MED13L: variants seen among roughly 807,000 people sequenced by gnomAD.
MED13L encodes the protein mediator complex subunit 13L.
Under a neutral mutation model 220.9 loss-of-function variants are expected in MED13L, and 7 were observed. That is an observed-to-expected ratio of 0.03 (90% CI 0.02 to 0.06). The LOEUF is 0.06. Among genes scored for constraint, MED13L ranks in the 10% least tolerant of loss-of-function variants. The pLI is 1.00. For missense variants in MED13L, 1,965 were observed against 2,760.5 expected (o/e 0.71, Z 6.46); for synonymous variants, 1,011 against 1,015.2 (o/e 1.00, Z 0.08).
chr12:116,213,669 TC>T (rs1040164099), intron 2 of MED13L, among the ~76,000 whole-genome samples: 3 of 152,188 alleles, frequency 2.0e-5, no homozygotes, highest in African/African-American at 7.2e-5. Flanking sequence ...CACCTCGGAC[TC>T]CCAAAGTGCT....
chr12:116,025,109 C>A (rs751057817), intron 4 of MED13L, among the ~76,000 whole-genome samples: 3 of 151,992 alleles, frequency 2.0e-5, no homozygotes, highest in Non-Finnish European at 2.9e-5. Flanking sequence ...ATGCAAATGG[C>A]CAACAGGTAT....
Position 116,008,820 on chromosome 12 carries a change from C to T in MED13L, c.1593G>A (p.Val531=). 6.2e-7 allele frequency: 1 copy of T among 1,614,018 alleles called. No individual in the cohort carries two copies. Among genetic ancestry groups the T allele is most frequent in the East Asian group, 2.2e-5 (1 of 44,832 alleles). Residue 531 remains valine, a synonymous_variant, in exon 10 of 31, where the codon GTG becomes GTA. Coordinates refer to ENST00000281928, the MANE Select transcript of MED13L (RefSeq NM_015335.5). The stretch of plus-strand genomic sequence containing the variant: ...TTTGCTTGCTTGTATTTCTGGAAGG[C>T]ACGGCCATTTGCTTATCATATTTCC... The part of the protein sequence containing the change: ...SSRKYDKQMA[V]PSRNTSKQMN...
intron 29 of MED13L, 111 bp downstream of exon 29, chr12:115,965,971 A>C (rs1489441109): frequency 1.5e-6 from 2 of 1,357,028 alleles, no homozygotes; most frequent in Non-Finnish European, 2.1e-6. Context: ...TACAAGAGAA[A>C]AAAGGAACAG....
intron 2 of MED13L, among the ~76,000 whole-genome samples, chr12:116,160,647 C>G (rs1477625205): frequency 6.6e-6 from 1 of 152,056 alleles, no homozygotes; most frequent in Admixed American, 6.6e-5. Flanking sequence ...ATGATCAGAG[C>G]TCCCTGTAGC....
Position 116,277,398 on chromosome 12 carries a change from G to A in MED13L, c.-267C>T. On this transcript the variant is annotated 5_prime_UTR_variant, in exon 1 of 31. Transcript: ENST00000281928. ...CCGCCTCCGCCTTCCCTGCTCCTCA[G>A]CCGCCGCCGCCGCCGCTGCTGCCGC... 6.4e-6 allele frequency: 1 copy of A among 156,996 alleles called. No homozygotes were observed. The highest frequency in any genetic ancestry group is 1.4e-5 in the Non-Finnish European group (1 of 73,386). 9.7% of individuals were successfully genotyped at this position (156,996 alleles called of 1,614,324 possible).
chr12:116,103,999 C>CTTTTT (rs36066243), intron 3 of MED13L, among the ~76,000 whole-genome samples: 742 of 57,476 alleles, frequency 0.013, 105 homozygotes, highest in South Asian at 0.02. Flanking sequence ...GGACATTGCT[C>CTTTTT]TTTTTTTTTT....
rs945800776 is a variant in MED13L, at chr12:115,959,195, C to T, written c.*2071G>A. Reference sequence around the variant, plus strand: ...CCATTCATTTATTTTTGCACAAAAACGTATAAATATGTCACCAGCTTTTCT... The same window carrying T: ...CCATTCATTTATTTTTGCACAAAAATGTATAAATATGTCACCAGCTTTTCT... On this transcript the variant is annotated 3_prime_UTR_variant, in exon 31 of 31. Transcript: ENST00000281928. 6.6e-5 allele frequency: 10 copies of T among 152,458 alleles called. No individual in the cohort carries two copies. Among genetic ancestry groups the T allele is most frequent in the African/African-American group, 2.4e-4 (10 of 41,486 alleles). 9.4% of individuals were successfully genotyped at this position (152,458 alleles called of 1,614,324 possible). A position where few individuals can be genotyped will look rare whatever the true frequency, so the allele number is the denominator to read the frequency against.
At chr12:116,111,275 T>C (rs985300149) in intron 3 of MED13L, among the ~76,000 whole-genome samples, 153 bp downstream of exon 3, 2 of 152,172 alleles carry the variant, frequency 1.3e-5, no homozygotes, top group Non-Finnish European at 1.5e-5. Flanking sequence ...TTTCAAATTA[T>C]ATCAATAGAA....
At chr12:116,006,066 A>C (rs1879027260) in intron 12 of MED13L, 73 bp from the exon 13 acceptor site, 1 of 1,585,322 alleles carries the variant, frequency 6.3e-7, no homozygotes, top group Non-Finnish European at 8.6e-7. Flanking sequence ...GAGGACACGG[A>C]TCTCAATGAA....
At chr12:116,246,363 AACTATACACCAGCGCAG>A (rs1235751143) in intron 1 of MED13L, among the ~76,000 whole-genome samples, 1 of 152,094 alleles carries the variant, frequency 6.6e-6, no homozygotes, top group Admixed American at 6.5e-5. Context: ...CCAGGATGCC[AACTATACACCAGCGCAG>A]AGGGCAACCA....
chr12:116,138,148 G>A (rs969286603), intron 2 of MED13L, among the ~76,000 whole-genome samples: 8 of 152,074 alleles, frequency 5.3e-5, no homozygotes, highest in South Asian at 2.1e-4. Context: ...GAGCCACCAC[G>A]CCCGGCCTGA....
intron 2 of MED13L, among the ~76,000 whole-genome samples, chr12:116,166,176 C>G (rs1045891187): frequency 6.6e-6 from 1 of 152,106 alleles, no homozygotes; most frequent in African/African-American, 2.4e-5. Flanking sequence ...ACAGCCTGGG[C>G]AACATGGTAA....
chr12:116,101,367 G>T (rs1873050283), intron 3 of MED13L, among the ~76,000 whole-genome samples: 2 of 152,178 alleles, frequency 1.3e-5, no homozygotes, highest in Non-Finnish European at 2.9e-5. Flanking sequence ...ATATTGGGAG[G>T]TGCTCAATAA....
intron 2 of MED13L, among the ~76,000 whole-genome samples, chr12:116,205,596 T>A (rs543253308): frequency 2.0e-5 from 3 of 150,676 alleles, no homozygotes; most frequent in Admixed American, 2.0e-4. Flanking sequence ...CTCCCTACTG[T>A]TTTTGGCCAG....
intron 16 of MED13L, among the ~76,000 whole-genome samples, chr12:115,995,772 G>A (rs1878360374): frequency 1.3e-5 from 2 of 152,018 alleles, no homozygotes; most frequent in South Asian, 4.1e-4. Context: ...CTACCATTGG[G>A]GAAATCATCT....
intron 2 of MED13L, among the ~76,000 whole-genome samples, chr12:116,134,394 C>T (rs904477710): frequency 4.6e-5 from 7 of 152,116 alleles, no homozygotes; most frequent in African/African-American, 1.7e-4. Flanking sequence ...ATTTATATTA[C>T]ATATTAATAA....
At chr12:116,165,623 C>A (rs989682297) in intron 2 of MED13L, among the ~76,000 whole-genome samples, 1 of 152,050 alleles carries the variant, frequency 6.6e-6, no homozygotes, top group Admixed American at 6.5e-5. Context: ...AGCCACCGCA[C>A]CTGGCCTGCC....
intron 16 of MED13L, among the ~76,000 whole-genome samples, chr12:115,995,171 CAGA>C (rs1344225341): frequency 1.3e-5 from 2 of 152,094 alleles, no homozygotes; most frequent in East Asian, 1.9e-4. Flanking sequence ...GATGATTTTA[CAGA>C]AGGTCACAAA....
At chr12:116,148,609 CTATATA>C (rs3043743) in intron 2 of MED13L, 6,750 of 182,132 alleles carry the variant, frequency 0.037, 171 homozygotes, top group Middle Eastern at 0.085. Context: ...ATGGAGATAT[CTATATA>C]TATATATATA....
Sources: allele counts gnomAD v4.1 joint callset (sites outside exome capture counted in the v4.1 genomes callset), GRCh38; gene constraint gnomAD v4.1.1; transcripts MANE v1.5; gene names NCBI Gene and HGNC (gene_info 2026-07-23, HGNC 2026-07-21).